PEBP4: variants seen among roughly 807,000 people sequenced by gnomAD.
PEBP4 encodes phosphatidylethanolamine-binding protein 4.
In PEBP4, 22 loss-of-function variants were observed where a neutral mutation model predicts 23.9. The ratio of observed to expected loss-of-function variants is 0.92; its 90% confidence interval spans 0.66 to 1.31. PEBP4 has a LOEUF of 1.31. Among genes scored for constraint, PEBP4 ranks in the 40% most tolerant of loss-of-function variants. The pLI is 0.00. For missense variants in PEBP4, 324 were observed against 281.7 expected (o/e 1.15, Z -1.07); for synonymous variants, 112 against 99.3 (o/e 1.13, Z -0.76).
intron 3 of PEBP4, among the ~76,000 whole-genome samples, chr8:22,856,717 A>G (rs548056730): frequency 6.6e-6 from 1 of 150,726 alleles, no homozygotes; most frequent in Non-Finnish European, 1.5e-5. Flanking sequence ...CTGTCTCTAA[A>G]TAAATAAATA....
intron 6 of PEBP4, among the ~76,000 whole-genome samples, chr8:22,720,549 G>C (rs539522676): frequency 1.3e-5 from 2 of 152,354 alleles, no homozygotes; most frequent in South Asian, 4.1e-4. Flanking sequence ...CCTCAGAGGG[G>C]TGTTCACTTA....
chr8:22,896,680 C>T (rs1286839649), intron 3 of PEBP4, among the ~76,000 whole-genome samples: 2 of 152,080 alleles, frequency 1.3e-5, no homozygotes, highest in Admixed American at 1.3e-4. Flanking sequence ...CTCGTTCAGC[C>T]CTTGGTAGAA....
Position 22,800,650 on chromosome 8 carries a change from G to T in PEBP4, c.357+16987C>A, listed in dbSNP as rs574055663. Among the ~76,000 whole-genome samples the T allele has an allele frequency of 1.3e-4, 20 of 152,262 alleles. No individual in the cohort carries two copies. The South Asian group carries it at 3.9e-3, about 30-fold the overall frequency. ...CAGGCTGCAGGAACTCCATTGCAAA[G>T]CCTCAGGACGATTCCTCAGAGCCTC... is the stretch of plus-strand genomic sequence containing the variant. On this transcript the variant is annotated intron_variant, in intron 4 of 6. Transcript: ENST00000256404.
At chr8:22,738,358 G>A (rs945377404) in intron 4 of PEBP4, among the ~76,000 whole-genome samples, 10 of 152,296 alleles carry the variant, frequency 6.6e-5, no homozygotes, top group African/African-American at 1.7e-4. Context: ...GCTCTGGAGC[G>A]GGGGTCTGGC....
intron 3 of PEBP4, among the ~76,000 whole-genome samples, chr8:22,874,857 AG>A (rs1451306748): frequency 6.6e-6 from 1 of 152,232 alleles, no homozygotes; most frequent in Non-Finnish European, 1.5e-5. Context: ...GAGCAACATG[AG>A]GCATCAGCTT....
intron 4 of PEBP4, among the ~76,000 whole-genome samples, chr8:22,786,410 A>G (rs879510783): frequency 2.0e-5 from 3 of 151,816 alleles, no homozygotes; most frequent in Non-Finnish European, 4.4e-5. Context: ...AGCCTCCTGA[A>G]TAGCTGGGAC....
intron 4 of PEBP4, among the ~76,000 whole-genome samples, chr8:22,737,294 C>CAAAAAAAAAAAAAAAAA (rs11302571): frequency 1.5e-5 from 1 of 65,498 alleles, no homozygotes; most frequent in African/African-American, 5.5e-5. Flanking sequence ...GACTCCGTCT[C>CAAAAAAAAAAAAAAAAA]AAAAAAAAAA....
rs532582567 is a variant in PEBP4 at position 22,876,364 on chromosome 8, G to A, written c.258+43820C>T. Reference sequence around the variant, plus strand: ...CACTTTCTGCATCACCAGTGCATACGGCCCATGGTGAAATTAACAGCATCC... The same window carrying A: ...CACTTTCTGCATCACCAGTGCATACAGCCCATGGTGAAATTAACAGCATCC... On this transcript the variant is annotated intron_variant, in intron 3 of 6. Transcript: ENST00000256404. Among the ~76,000 whole-genome samples, 35 of 152,140 alleles carry A rather than the reference G, an allele frequency of 2.3e-4. No homozygotes were observed. The South Asian group carries it at 4.6e-3, about 20-fold the overall frequency.
intron 4 of PEBP4, among the ~76,000 whole-genome samples, chr8:22,738,134 G>C (rs1385714111): frequency 1.3e-5 from 2 of 152,242 alleles, no homozygotes; most frequent in Non-Finnish European, 2.9e-5. Context: ...CAGCCAGGGT[G>C]CGCAGAGCGA....
At chr8:22,713,878 T>A (rs6558178) in intron 6 of PEBP4, among the ~76,000 whole-genome samples, 26,816 of 152,220 alleles carry the variant, frequency 0.18, 2,675 homozygotes, top group East Asian at 0.3. Context: ...AGCCCAGTCA[T>A]GCGGGCTGCC....
chr8:22,849,955 G>T (rs1452848434), intron 3 of PEBP4, among the ~76,000 whole-genome samples: 13 of 152,070 alleles, frequency 8.5e-5, no homozygotes, highest in Non-Finnish European at 1.8e-4. Context: ...GTAAATGCTG[G>T]GTGGAAAGAA....
At chr8:22,723,850 T>G (rs1804568661) in intron 6 of PEBP4, among the ~76,000 whole-genome samples, 1 of 152,196 alleles carries the variant, frequency 6.6e-6, no homozygotes, top group Non-Finnish European at 1.5e-5. Flanking sequence ...TCGCTCAACC[T>G]GTGCCTTTCT....
Position 22,818,368 on chromosome 8 carries a change from A to G in PEBP4, c.259-633T>C, listed in dbSNP as rs181390550. Among the ~76,000 whole-genome samples the G allele has an allele frequency of 1.8e-3, 279 of 152,334 alleles. 1 individual carries two copies. Among genetic ancestry groups the G allele is most frequent in the African/African-American group, 6.4e-3 (267 of 41,584 alleles). ...ACGTGTGAGTAGTGCTATGATGAAA[A>G]TAAAACAGGGTGGGATGAGAGGTGG... is the stretch of plus-strand genomic sequence containing the variant. On this transcript the variant is annotated intron_variant, in intron 3 of 6. Transcript: ENST00000256404.
chr8:22,800,118 T>C (rs916944741), intron 4 of PEBP4, among the ~76,000 whole-genome samples: 14 of 152,124 alleles, frequency 9.2e-5, no homozygotes, highest in Non-Finnish European at 1.5e-4. Context: ...ATTTTGCTTT[T>C]AAAAGAGAGG....
chr8:22,935,158 A>G (rs1443861208), intron 1 of PEBP4, among the ~76,000 whole-genome samples: 1 of 152,230 alleles, frequency 6.6e-6, no homozygotes, highest in Non-Finnish European at 1.5e-5. Context: ...GCTTAACAAC[A>G]GTAATTGGAA....
At chr8:22,718,505 C>T (rs62494327) in intron 6 of PEBP4, among the ~76,000 whole-genome samples, 3,400 of 152,304 alleles carry the variant, frequency 0.022, 61 homozygotes, top group African/African-American at 0.047. Flanking sequence ...TGAGGAGGTC[C>T]GCCTGGGGCT....
chr8:22,939,999 G>A (rs181913927), intron 1 of PEBP4, among the ~76,000 whole-genome samples: 1 of 152,314 alleles, frequency 6.6e-6, no homozygotes, highest in East Asian at 1.9e-4. Context: ...GCTCCAGAGG[G>A]GCTATGAAAT....
chr8:22,780,110 C>A (rs561546519), intron 4 of PEBP4, among the ~76,000 whole-genome samples: 1 of 152,142 alleles, frequency 6.6e-6, no homozygotes, highest in South Asian at 2.1e-4. Context: ...ACCACAGGCA[C>A]GCACTATCAC....
intron 3 of PEBP4, among the ~76,000 whole-genome samples, chr8:22,821,783 A>C (rs1421032569): frequency 1.3e-5 from 2 of 152,084 alleles, no homozygotes; most frequent in Admixed American, 1.3e-4. Context: ...CAAGAGATTG[A>C]GACCATCCTG....
Sources: gnomAD v4.1 joint callset for allele counts (sites outside exome capture counted in the v4.1 genomes callset) on GRCh38, gnomAD v4.1.1 for gene constraint, MANE v1.5 for transcripts, NCBI Gene and HGNC (gene_info 2026-07-23, HGNC 2026-07-21) for gene names.